The following GABRG1 variants were observed in gnomAD, a reference collection of about 807,000 sequenced individuals.
GABRG1 encodes gamma-aminobutyric acid type A receptor subunit gamma1, also known as gamma-aminobutyric acid receptor subunit gamma-1.
Under a neutral mutation model 49.8 loss-of-function variants are expected in GABRG1, and 49 were observed. That is an observed-to-expected ratio of 0.98 (90% CI 0.78 to 1.25). GABRG1 has a LOEUF of 1.25. Ranked by LOEUF, GABRG1 falls within the 50% of genes most tolerant of loss-of-function variation. GABRG1 has a pLI of 0.00. For synonymous variants in GABRG1, 232 were observed against 185.1 expected, an observed-to-expected ratio of 1.25 and a Z score of -2.06; for missense variants, 552 against 552.3, an observed-to-expected ratio of 1.00 and a Z score of 0.01.
At chr4:46,051,020 A>G (rs564025708) in intron 8 of GABRG1, among the ~76,000 whole-genome samples, 14 of 152,038 alleles carry the variant, frequency 9.2e-5, no homozygotes, top group Middle Eastern at 6.8e-3. Flanking sequence ...ACAAAAAAAG[A>G]ACGTTGTGGT....
At chr4:46,083,561 A>G (rs1719648775) in intron 3 of GABRG1, among the ~76,000 whole-genome samples, 1 of 151,756 alleles carries the variant, frequency 6.6e-6, no homozygotes, top group African/African-American at 2.4e-5. Context: ...ATATTCCAGT[A>G]ACATCAAATT....
intron 2 of GABRG1, among the ~76,000 whole-genome samples, chr4:46,087,567 TG>T (rs753280369): frequency 5.3e-5 from 8 of 151,770 alleles, no homozygotes; most frequent in Non-Finnish European, 8.8e-5. Flanking sequence ...ATGAAAATAA[TG>T]TTACAAGTTA....
Position 46,048,801 on chromosome 4 carries a change from GGA to G in GABRG1, c.1131+2621_1131+2622del, listed in dbSNP as rs540039200. Among the ~76,000 whole-genome samples the G allele has an allele frequency of 4.6e-5, 7 of 151,966 alleles. No homozygotes were observed. The South Asian group carries it at 1.5e-3, about 32-fold the overall frequency. On this transcript the variant is annotated intron_variant, in intron 8 of 8. Coordinates refer to ENST00000295452, the MANE Select transcript of GABRG1 (RefSeq NM_173536.4). ...GCAAGCAAGCTGGCCCATTTCATGT[GGA>G]GAGTAAGTTAAAACGGGTGTTTATC...
chr4:46,106,926 A>AC (rs1337237784), intron 1 of GABRG1, among the ~76,000 whole-genome samples: 3 of 151,294 alleles, frequency 2.0e-5, no homozygotes, highest in African/African-American at 7.3e-5. Context: ...AATTAAAAAA[A>AC]TTGTGGGTAC....
chr4:46,050,610 G>A (rs1356819262), intron 8 of GABRG1, among the ~76,000 whole-genome samples: 1 of 151,794 alleles, frequency 6.6e-6, no homozygotes, highest in Non-Finnish European at 1.5e-5. Context: ...AAAAATAAAT[G>A]TCTATTTTTT....
chr4:46,083,757 C>T (rs1242447878), intron 3 of GABRG1, among the ~76,000 whole-genome samples: 1 of 151,364 alleles, frequency 6.6e-6, no homozygotes, highest in African/African-American at 2.4e-5. Flanking sequence ...ATTTGTTATG[C>T]CGTTGCATAG....
At chr4:46,119,075 A>G (rs1004265676) in intron 1 of GABRG1, among the ~76,000 whole-genome samples, 5 of 150,472 alleles carry the variant, frequency 3.3e-5, no homozygotes, top group Non-Finnish European at 5.9e-5. Context: ...AAATTAAAAA[A>G]TTTTGCTTTT....
intron 7 of GABRG1, among the ~76,000 whole-genome samples, chr4:46,056,119 G>A (rs1411609147): frequency 0.032 from 140 of 4,404 alleles, no homozygotes; most frequent in East Asian, 0.051. Flanking sequence ...AAAAAAAAAA[G>A]AAAGGAAAAA....
At chr4:46,115,889 C>G (rs1331489692) in intron 1 of GABRG1, among the ~76,000 whole-genome samples, 1 of 150,500 alleles carries the variant, frequency 6.6e-6, no homozygotes, top group Non-Finnish European at 1.5e-5. Flanking sequence ...AGAGTAATAT[C>G]AGAATACATT....
chr4:46,065,337 A>G (rs773128360), intron 4 of GABRG1, 27 bp downstream of exon 4: 47 of 1,367,418 alleles, frequency 3.4e-5, no homozygotes, highest in Non-Finnish European at 4.6e-5. Flanking sequence ...AAATGAGAGC[A>G]ACTACAGATT....
chr4:46,116,312 A>T (rs1720884248), intron 1 of GABRG1, among the ~76,000 whole-genome samples: 1 of 150,888 alleles, frequency 6.6e-6, no homozygotes. Context: ...AATAGACAAT[A>T]TATTGAAATT....
chr4:46,107,252 C>G (rs186657762), intron 1 of GABRG1, among the ~76,000 whole-genome samples: 2 of 151,036 alleles, frequency 1.3e-5, no homozygotes, highest in East Asian at 2.0e-4. Context: ...TTGTCATTAA[C>G]TAGAAACTCA....
chr4:46,062,140 C>T (rs1718720346), intron 5 of GABRG1, among the ~76,000 whole-genome samples: 1 of 149,812 alleles, frequency 6.7e-6, no homozygotes, highest in Non-Finnish European at 1.5e-5. Flanking sequence ...GGTTTTTTGT[C>T]CTTGTGATAG....
At chr4:46,082,008 T>G (rs1412571938) in intron 3 of GABRG1, among the ~76,000 whole-genome samples, 1 of 151,836 alleles carries the variant, frequency 6.6e-6, no homozygotes, top group Non-Finnish European at 1.5e-5. Context: ...TACTTCGTTG[T>G]GGCAACCCTA....
chr4:46,093,591 G>T (rs1174223706), intron 2 of GABRG1, among the ~76,000 whole-genome samples: 1 of 151,778 alleles, frequency 6.6e-6, no homozygotes, highest in Non-Finnish European at 1.5e-5. Flanking sequence ...AACCAAAAGA[G>T]TATAACTGGA....
rs531525258 is a variant in GABRG1 at position 46,051,073 on chromosome 4, T to C, written c.1131+351A>G. Among the ~76,000 whole-genome samples the C allele has an allele frequency of 3.3e-5, 5 of 151,966 alleles. No homozygotes were observed. In the East Asian group the frequency reaches 9.7e-4, roughly 29 times the overall value. ...GTTGGACACTACCATTAAAGAGGAA[T>C]CTTCATCACTAAAAGTAAGGTAATT... On this transcript the variant is annotated intron_variant, in intron 8 of 8. Transcript: ENST00000295452.
intron 8 of GABRG1, among the ~76,000 whole-genome samples, chr4:46,045,031 C>T (rs1449249469): frequency 6.6e-6 from 1 of 152,020 alleles, no homozygotes; most frequent in Non-Finnish European, 1.5e-5. Flanking sequence ...TGGTTGCAAA[C>T]TTGACAGTTA....
intron 3 of GABRG1, among the ~76,000 whole-genome samples, chr4:46,075,347 A>G (rs1014987840): frequency 2.6e-5 from 4 of 151,996 alleles, no homozygotes; most frequent in Admixed American, 2.6e-4. Flanking sequence ...TTTTATTTTA[A>G]AATTTTACTT....
intron 1 of GABRG1, among the ~76,000 whole-genome samples, chr4:46,106,061 A>G (rs1300012347): frequency 6.6e-6 from 1 of 151,438 alleles, no homozygotes; most frequent in Non-Finnish European, 1.5e-5. Context: ...GTGACCTGGT[A>G]TGAAAGCAAT....
Sources: gnomAD v4.1 joint callset for allele counts (sites outside exome capture counted in the v4.1 genomes callset) on GRCh38, gnomAD v4.1.1 for gene constraint, MANE v1.5 for transcripts, NCBI Gene and HGNC (gene_info 2026-07-23, HGNC 2026-07-21) for gene names.